The following EPHB1 variants were observed in gnomAD, a reference collection of about 807,000 sequenced individuals.
The protein encoded by EPHB1 is EPH receptor B1.
A neutral mutation model predicts 94.4 loss-of-function variants in EPHB1; 30 were observed. The observed-to-expected ratio is 0.32, with a 90% CI of 0.24 to 0.43. The LOEUF is 0.43. Among genes scored for constraint, EPHB1 ranks in the 20% least tolerant of loss-of-function variants. The probability of loss-of-function intolerance (pLI) is 1.00; values close to 1 mark genes in which losing one functional copy is unlikely to be tolerated. For synonymous variants in EPHB1, 522 were observed against 489.1 expected (o/e 1.07, Z -0.89); for missense variants, 1,055 against 1,308.3 (o/e 0.81, Z 2.99).
At chr3:134,987,918 T>C (rs1315662555) in intron 3 of EPHB1, among the ~76,000 whole-genome samples, 3 of 151,996 alleles carry the variant, frequency 2.0e-5, no homozygotes, top group Non-Finnish European at 4.4e-5. Context: ...AGAAAATGAA[T>C]TATGTTTAAG....
intron 1 of EPHB1, among the ~76,000 whole-genome samples, chr3:134,850,910 A>G: frequency 6.6e-6 from 1 of 152,366 alleles, no homozygotes; most frequent in East Asian, 1.9e-4. Flanking sequence ...GGGGGCATTC[A>G]TCTGCTTCCC....
At chr3:135,109,044 C>T (rs567085250) in intron 4 of EPHB1, among the ~76,000 whole-genome samples, 19 of 152,234 alleles carry the variant, frequency 1.2e-4, no homozygotes, top group Middle Eastern at 3.4e-3. Flanking sequence ...GGAGGGGTTG[C>T]GAAGGTTATG....
chr3:135,087,829 A>G (rs542971205), intron 3 of EPHB1, among the ~76,000 whole-genome samples: 5 of 152,262 alleles, frequency 3.3e-5, no homozygotes, highest in Admixed American at 3.3e-4. Context: ...GGTCCTGTGG[A>G]AAAAGCAGCC....
At chr3:135,082,796 G>A (rs908344557) in intron 3 of EPHB1, among the ~76,000 whole-genome samples, 2 of 152,206 alleles carry the variant, frequency 1.3e-5, no homozygotes, top group Non-Finnish European at 2.9e-5. Context: ...CCAAGCTTCC[G>A]CTTATTTAAT....
chr3:135,160,585 T>C (rs1197638643), intron 6 of EPHB1, among the ~76,000 whole-genome samples: 2 of 152,190 alleles, frequency 1.3e-5, no homozygotes, highest in African/African-American at 4.8e-5. Flanking sequence ...TCCCCATTTT[T>C]TTCTAGGATT....
At chr3:135,031,594 G>A (rs1338164614) in intron 3 of EPHB1, among the ~76,000 whole-genome samples, 1 of 152,230 alleles carries the variant, frequency 6.6e-6, no homozygotes, top group African/African-American at 2.4e-5. Context: ...ATAGGCATGA[G>A]CCACTGCATC....
At chr3:135,082,424 A>C (rs190700939) in intron 3 of EPHB1, among the ~76,000 whole-genome samples, 18 of 152,312 alleles carry the variant, frequency 1.2e-4, no homozygotes, top group Admixed American at 7.2e-4. Flanking sequence ...ATCACTGTAC[A>C]TGCATTATCA....
chr3:134,936,945 G>T lies in EPHB1; in HGVS notation c.123+11065G>T, dbSNP rs79130869. On this transcript the variant is annotated intron_variant, in intron 2 of 15. Coordinates refer to ENST00000398015, the MANE Select transcript of EPHB1 (RefSeq NM_004441.5). ...ACGGGGCTGACCGTGGGATGCAAAT[G>T]CAGGGAAGGCCAGACTGATGTCTGC... Among the ~76,000 whole-genome samples, 629 of 152,324 alleles carry T rather than the reference G, an allele frequency of 4.1e-3. 2 individuals carry two copies. Among genetic ancestry groups the T allele is most frequent in the African/African-American group, 0.015 (603 of 41,578 alleles).
In EPHB1 at chr3:135,132,838, G is replaced by C. The variant is rs1291979253; in HGVS notation, c.1086G>C (p.Lys362Asn). The C allele has an allele frequency of 6.2e-7, 1 of 1,614,012 alleles. No individual in the cohort carries two copies. Among genetic ancestry groups the C allele is most frequent in the East Asian group, 2.2e-5 (1 of 44,870 alleles). The change falls in exon 5 of 16, where the codon AAG becomes AAC. Residue 362 changes from lysine to asparagine, a missense_variant. Coordinates refer to ENST00000398015, the MANE Select transcript of EPHB1 (RefSeq NM_004441.5). Reference protein sequence around the residue: ...DDVTYNIICKKCRADRRSCSR... With the variant: ...DDVTYNIICKNCRADRRSCSR... ...TGACCTACAACATCATCTGCAAAAAGTGCCGGGCAGACCGCCGGAGCTGCT... is the reference window on the plus strand; with the variant it reads ...TGACCTACAACATCATCTGCAAAAACTGCCGGGCAGACCGCCGGAGCTGCT...
chr3:135,252,366 TCCCCCCA>T (rs1443752768), intron 15 of EPHB1, among the ~76,000 whole-genome samples: 1 of 57,628 alleles, frequency 1.7e-5, no homozygotes. Flanking sequence ...CCCTCCCCCC[TCCCCCCA>T]CCCCACCACA....
In EPHB1 at chr3:135,105,062, C is replaced by T. The variant is rs577919882; in HGVS notation, c.806-1386C>T. Among the ~76,000 whole-genome samples the T allele has an allele frequency of 2.6e-5, 4 of 152,166 alleles. No individual in the cohort carries two copies. In the East Asian group the frequency reaches 7.7e-4, roughly 29 times the overall value. On this transcript the variant is annotated intron_variant, in intron 3 of 15. Transcript: ENST00000398015. ...GCAAAATGGAGATAGTAATAGCTAC[C>T]CCATAGAGTAATGCATGGAAAGCAC...
At chr3:135,017,470 C>T (rs761209596) in intron 3 of EPHB1, among the ~76,000 whole-genome samples, 56 of 152,284 alleles carry the variant, frequency 3.7e-4, no homozygotes, top group Non-Finnish European at 7.5e-4. Flanking sequence ...TCCAATGAAT[C>T]TTAAACTCAG....
chr3:134,807,529 G>A (rs541682750), intron 1 of EPHB1, among the ~76,000 whole-genome samples: 244 of 65,656 alleles, frequency 3.7e-3, no homozygotes, highest in African/African-American at 0.021. Context: ...GTGTGTGCAC[G>A]TGTGTGTGTG....
chr3:134,914,087 A>G (rs2038514117), intron 1 of EPHB1, among the ~76,000 whole-genome samples: 1 of 152,112 alleles, frequency 6.6e-6, no homozygotes. Flanking sequence ...TGGGTTTCTC[A>G]ATGAACTGAA....
chr3:135,220,145 C>T (rs549164991), intron 12 of EPHB1, among the ~76,000 whole-genome samples: 30 of 152,106 alleles, frequency 2.0e-4, no homozygotes, highest in Non-Finnish European at 3.7e-4. Context: ...GAAACTCATC[C>T]AGTATAGGCT....
At chr3:135,257,268 G>A (rs1476758223) in intron 15 of EPHB1, among the ~76,000 whole-genome samples, 10 of 152,330 alleles carry the variant, frequency 6.6e-5, no homozygotes, top group East Asian at 3.9e-4. Context: ...GAGGAACTGC[G>A]TTCCTTTGGA....
At chr3:135,050,716 C>G (rs909339145) in intron 3 of EPHB1, among the ~76,000 whole-genome samples, 8 of 152,130 alleles carry the variant, frequency 5.3e-5, no homozygotes, top group Non-Finnish European at 1.2e-4. Context: ...ACTCTGAGTT[C>G]AGGTGAGCTC....
intron 2 of EPHB1, 126 bp downstream of exon 2, chr3:134,926,006 T>G: frequency 2.6e-6 from 2 of 767,620 alleles, no homozygotes; most frequent in Non-Finnish European, 4.0e-6. Context: ...AATGGCTGTG[T>G]CCACTGCCCA....
At chr3:134,855,933 G>A (rs1264290448) in intron 1 of EPHB1, among the ~76,000 whole-genome samples, 1 of 152,150 alleles carries the variant, frequency 6.6e-6, no homozygotes, top group Non-Finnish European at 1.5e-5. Context: ...ATCACATGGA[G>A]GAAGAGAGGA....
Sources: allele counts gnomAD v4.1 joint callset (sites outside exome capture counted in the v4.1 genomes callset), GRCh38; gene constraint gnomAD v4.1.1; transcripts MANE v1.5; gene names NCBI Gene and HGNC (gene_info 2026-07-23, HGNC 2026-07-21).